The following PDE10A variants were observed in gnomAD, a reference collection of about 807,000 sequenced individuals.
PDE10A encodes the protein cAMP and cAMP-inhibited cGMP 3',5'-cyclic phosphodiesterase 10A.
In PDE10A, 39 loss-of-function variants were observed where a neutral mutation model predicts 97.7. That is an observed-to-expected ratio of 0.40 (90% CI 0.31 to 0.52). The LOEUF is 0.52. Among genes scored for constraint, PDE10A ranks in the 20% least tolerant of loss-of-function variants. The pLI, the probability that PDE10A is intolerant of heterozygous loss-of-function variation, is 0.56. For synonymous variants in PDE10A, 371 were observed against 376.8 expected (o/e 0.98, Z 0.18); for missense variants, 731 against 1,047.8 (o/e 0.70, Z 4.17).
chr6:165,596,806 A>G (rs1235124356), intron 1 of PDE10A, among the ~76,000 whole-genome samples: 2 of 152,188 alleles, frequency 1.3e-5, no homozygotes, highest in African/African-American at 4.8e-5. Flanking sequence ...GAGAGCAGAC[A>G]AAATCCTTCA....
At chr6:165,966,608 GA>G (rs1400318941) in intron 1 of PDE10A, among the ~76,000 whole-genome samples, 1 of 152,230 alleles carries the variant, frequency 6.6e-6, no homozygotes. Flanking sequence ...CATGGACTCA[GA>G]AACAACTCTT....
rs1352069722 is a variant in PDE10A, at chr6:165,379,184, T to C, written c.2783+10A>G. 1.9e-6 allele frequency: 3 copies of C among 1,580,206 alleles called. No individual in the cohort carries two copies. Among genetic ancestry groups the C allele is most frequent in the African/African-American group, 2.7e-5 (2 of 73,206 alleles). ...TTCTGGGCTTCTAAGCTTTTAAAAA[T>C]TATTTTTACCTATGTGATTGATTAT... On this transcript the variant is annotated intron_variant, in intron 18 of 21. Coordinates refer to ENST00000539869, the MANE Select transcript of PDE10A (RefSeq NM_001385079.1).
intron 1 of PDE10A, among the ~76,000 whole-genome samples, chr6:165,919,816 T>A (rs1782706897): frequency 7.1e-6 from 1 of 140,910 alleles, no homozygotes; most frequent in African/African-American, 2.7e-5. Flanking sequence ...AACTTTATTG[T>A]GCACATGAAA....
Position 165,976,612 on chromosome 6 carries a change from C to A in PDE10A, c.-615+10917G>T, listed in dbSNP as rs145334877. 1.4e-3 allele frequency among the ~76,000 whole-genome samples: 220 copies of A among 152,350 alleles called. 1 individual carries two copies. The highest frequency in any genetic ancestry group is 5.0e-3 in the African/African-American group (206 of 41,582). ...GCCTGACTCTGGCTACCACTTCACA[C>A]GCACTCACTCTGGTTTATGCCACCA... On this transcript the variant is annotated intron_variant, in intron 1 of 19. Transcript: ENST00000366882.
chr6:165,348,047 T>C (rs1271008625), intron 18 of PDE10A, among the ~76,000 whole-genome samples: 1 of 152,166 alleles, frequency 6.6e-6, no homozygotes, highest in Non-Finnish European at 1.5e-5. Flanking sequence ...GACATGCACG[T>C]ACATCTAAAT....
At chr6:165,527,028 TA>T (rs1449872718) in intron 2 of PDE10A, among the ~76,000 whole-genome samples, 1 of 152,208 alleles carries the variant, frequency 6.6e-6, no homozygotes, top group Non-Finnish European at 1.5e-5. Context: ...GACTTATTGG[TA>T]AGACATTTGT....
Position 165,331,447 on chromosome 6 carries a change from A to C in PDE10A, c.*1578T>G, listed in dbSNP as rs544219137. On this transcript the variant is annotated 3_prime_UTR_variant, in exon 22 of 22. Transcript: ENST00000539869. ...CAACATAAATAAACCATGTTGTAGA[A>C]GCCTCTGATTTAATTTTGCACAAAC... is the stretch of plus-strand genomic sequence containing the variant. 1 of 152,342 alleles carries C rather than the reference A, an allele frequency of 6.6e-6. No individual in the cohort carries two copies. The highest frequency in any genetic ancestry group is 1.9e-4 in the East Asian group (1 of 5,188). The allele number at this position is 152,342 out of a possible 1,614,324, so 9.4% of individuals were successfully genotyped here.
chr6:165,484,395 T>A (rs942025066), intron 2 of PDE10A, among the ~76,000 whole-genome samples: 10 of 152,248 alleles, frequency 6.6e-5, no homozygotes, highest in African/African-American at 2.2e-4. Context: ...CTGCTCTCTG[T>A]CACTGCGTTA....
At chr6:165,614,383 C>G (rs569639534) in intron 1 of PDE10A, among the ~76,000 whole-genome samples, 29 of 152,252 alleles carry the variant, frequency 1.9e-4, no homozygotes, top group African/African-American at 6.7e-4. Flanking sequence ...TCACATCCAA[C>G]CACTCACCTT....
chr6:165,586,813 A>C (rs768399063), intron 1 of PDE10A, among the ~76,000 whole-genome samples: 37 of 152,210 alleles, frequency 2.4e-4, no homozygotes, highest in Non-Finnish European at 1.2e-4. Context: ...TTGGAAGCCA[A>C]CATCTAGAAC....
chr6:165,335,643 C>T (rs1249052177), intron 21 of PDE10A, among the ~76,000 whole-genome samples: 1 of 152,150 alleles, frequency 6.6e-6, no homozygotes, highest in African/African-American at 2.4e-5. Context: ...GACAAGGTCC[C>T]TTCAGCACAG....
intron 1 of PDE10A, among the ~76,000 whole-genome samples, chr6:165,697,737 G>T (rs1415111796): frequency 6.6e-6 from 1 of 152,188 alleles, no homozygotes; most frequent in East Asian, 1.9e-4. Context: ...GTACTTAATG[G>T]GTGAGTTTCA....
intron 1 of PDE10A, among the ~76,000 whole-genome samples, chr6:165,694,704 T>A (rs1791399662): frequency 6.6e-6 from 1 of 152,178 alleles, no homozygotes; most frequent in Non-Finnish European, 1.5e-5. Flanking sequence ...CTCCTATGTG[T>A]CAAAAAAATT....
chr6:165,387,636 T>C (rs1785399312), intron 17 of PDE10A, among the ~76,000 whole-genome samples: 1 of 152,220 alleles, frequency 6.6e-6, no homozygotes, highest in Admixed American at 6.5e-5. Flanking sequence ...AGGATTTCTC[T>C]TCCTACTTAG....
intron 1 of PDE10A, among the ~76,000 whole-genome samples, chr6:165,923,325 CTG>C (rs1038251863): frequency 3.3e-5 from 5 of 152,232 alleles, no homozygotes; most frequent in Admixed American, 6.5e-5. Flanking sequence ...AGACAAAACT[CTG>C]TGCATGTCTA....
intron 1 of PDE10A, among the ~76,000 whole-genome samples, chr6:165,825,515 G>A (rs1006720680): frequency 6.6e-6 from 1 of 152,152 alleles, no homozygotes; most frequent in South Asian, 2.1e-4. Flanking sequence ...CTAATGCTGA[G>A]TGTCCTCCAG....
chr6:165,532,361 T>C (rs905771303), intron 2 of PDE10A, among the ~76,000 whole-genome samples: 4 of 151,408 alleles, frequency 2.6e-5, no homozygotes, highest in African/African-American at 9.7e-5. Flanking sequence ...TTGCTAAGCA[T>C]TAGACACAGA....
At chr6:165,945,123 A>C (rs1196542777) in intron 1 of PDE10A, among the ~76,000 whole-genome samples, 1 of 152,302 alleles carries the variant, frequency 6.6e-6, no homozygotes, top group African/African-American at 2.4e-5. Context: ...CTCTAAAGAC[A>C]TTGCAGCTTC....
intron 5 of PDE10A, among the ~76,000 whole-genome samples, chr6:165,444,163 A>G (rs1444250291): frequency 3.9e-5 from 6 of 152,186 alleles, no homozygotes; most frequent in African/African-American, 1.2e-4. Flanking sequence ...GGACTTCACT[A>G]TCCGTATCAC....
Sources: allele counts gnomAD v4.1 joint callset (sites outside exome capture counted in the v4.1 genomes callset), GRCh38; gene constraint gnomAD v4.1.1; transcripts MANE v1.5; gene names NCBI Gene and HGNC (gene_info 2026-07-23, HGNC 2026-07-21).